CNTN5: variants seen among roughly 807,000 people sequenced by gnomAD.
CNTN5 encodes contactin-5.
CNTN5 carries 77 observed loss-of-function variants against 129.1 expected under a neutral mutation model. The ratio of observed to expected loss-of-function variants is 0.60; its 90% CI spans 0.50 to 0.72. The LOEUF is 0.72. Among genes scored for constraint, CNTN5 ranks in the 30% least tolerant of loss-of-function variants. The pLI is 0.00. For missense variants in CNTN5, 1,478 were observed against 1,328.8 expected (o/e 1.11, Z -1.75); for synonymous variants, 509 against 465.6 (o/e 1.09, Z -1.20).
chr11:100,268,159 A>G (rs1950341728), intron 17 of CNTN5, among the ~76,000 whole-genome samples: 1 of 152,208 alleles, frequency 6.6e-6, no homozygotes, highest in Admixed American at 6.5e-5. Flanking sequence ...TTGGGTAGGA[A>G]TGAGATAAAG....
chr11:100,046,607 TAATA>T (rs1164469601), intron 9 of CNTN5, among the ~76,000 whole-genome samples: 7 of 152,304 alleles, frequency 4.6e-5, no homozygotes, highest in Admixed American at 6.5e-5. Flanking sequence ...TTATTTTATC[TAATA>T]AATAATCATC....
At chr11:99,441,207 C>T (rs894275857) in intron 2 of CNTN5, among the ~76,000 whole-genome samples, 1 of 152,146 alleles carries the variant, frequency 6.6e-6, no homozygotes, top group Non-Finnish European at 1.5e-5. Flanking sequence ...TGCCTTAACT[C>T]TCTCTAAAGA....
chr11:99,400,207 A>T (rs538076812), intron 2 of CNTN5, among the ~76,000 whole-genome samples: 1 of 151,738 alleles, frequency 6.6e-6, no homozygotes, highest in African/African-American at 2.4e-5. Flanking sequence ...CCAATCTTCT[A>T]CTCTCTATCT....
intron 6 of CNTN5, among the ~76,000 whole-genome samples, chr11:99,849,868 ATGTGTAT>A (rs1175407497): frequency 6.6e-6 from 1 of 152,102 alleles, no homozygotes; most frequent in Admixed American, 6.5e-5. Context: ...TCCAGTATAA[ATGTGTAT>A]TGGATTTCTT....
chr11:99,825,984 T>A (rs1946944005), intron 4 of CNTN5, among the ~76,000 whole-genome samples: 1 of 152,176 alleles, frequency 6.6e-6, no homozygotes, highest in African/African-American at 2.4e-5. Context: ...CTGATTCGTC[T>A]GTTCTTCATT....
intron 3 of CNTN5, among the ~76,000 whole-genome samples, chr11:99,598,325 TGTCC>T (rs1289291132): frequency 1.3e-4 from 4 of 30,220 alleles, no homozygotes; most frequent in African/African-American, 5.9e-4. Flanking sequence ...TTTTCTTTTC[TGTCC>T]CTCTCTCTCT....
intron 1 of CNTN5, among the ~76,000 whole-genome samples, chr11:99,283,248 A>C (rs1428372410): frequency 6.6e-6 from 1 of 152,088 alleles, no homozygotes; most frequent in East Asian, 1.9e-4. Flanking sequence ...TTATTGTATC[A>C]ATATATTACC....
At chr11:99,665,686 A>C (rs1952765015) in intron 3 of CNTN5, among the ~76,000 whole-genome samples, 1 of 151,604 alleles carries the variant, frequency 6.6e-6, no homozygotes, top group African/African-American at 2.4e-5. Flanking sequence ...GGGGTTGCAC[A>C]ATGTTGGCCA....
At chr11:99,082,236 A>G (rs1364748968) in intron 1 of CNTN5, among the ~76,000 whole-genome samples, 1 of 146,350 alleles carries the variant, frequency 6.8e-6, no homozygotes, top group African/African-American at 2.6e-5. Flanking sequence ...GTCAGGCTGC[A>G]GTGCAGTGGC....
At chr11:99,164,285 T>A (rs1860769278) in intron 1 of CNTN5, among the ~76,000 whole-genome samples, 1 of 135,376 alleles carries the variant, frequency 7.4e-6, no homozygotes, top group Non-Finnish European at 1.5e-5. Context: ...ATCGCGCCAC[T>A]ATACTCCAGC....
intron 1 of CNTN5, among the ~76,000 whole-genome samples, chr11:99,045,275 G>A (rs1224783295): frequency 2.0e-5 from 3 of 152,110 alleles, no homozygotes; most frequent in Non-Finnish European, 4.4e-5. Flanking sequence ...TAAACATTAG[G>A]TGAAATAATT....
intron 9 of CNTN5, among the ~76,000 whole-genome samples, chr11:100,019,173 T>TG (rs1940988966): frequency 1.3e-5 from 2 of 151,980 alleles, no homozygotes; most frequent in South Asian, 2.1e-4. Context: ...TTTCAATTTT[T>TG]TGTGGGGATT....
At chr11:99,068,199 C>T (rs1371232759) in intron 1 of CNTN5, among the ~76,000 whole-genome samples, 3 of 152,170 alleles carry the variant, frequency 2.0e-5, no homozygotes, top group Non-Finnish European at 1.5e-5. Context: ...TCTAATTCAA[C>T]AGTAGATGCC....
In CNTN5 at chr11:100,299,412, C is replaced by T. The variant is rs774449862; in HGVS notation, c.2620+16C>T. The stretch of plus-strand genomic sequence containing the variant: ...GCTGAAGGAGGTCAGTTTTTTTATT[C>T]CTATTATTTTTATTTAACATTTTAC... On this transcript the variant is annotated intron_variant, in intron 20 of 24. Transcript: ENST00000524871. The T allele has an allele frequency of 4.8e-6, 7 of 1,461,138 alleles. No individual in the cohort carries two copies. The highest frequency in any genetic ancestry group is 6.6e-6 in the Non-Finnish European group (7 of 1,063,986). 90.5% of individuals were successfully genotyped at this position (1,461,138 alleles called of 1,614,324 possible).
chr11:99,362,901 C>T (rs1939209176), intron 2 of CNTN5, among the ~76,000 whole-genome samples: 1 of 142,962 alleles, frequency 7.0e-6, no homozygotes, highest in Admixed American at 7.1e-5. Context: ...GACAGTGCCA[C>T]ACTGTTTTTA....
intron 2 of CNTN5, among the ~76,000 whole-genome samples, chr11:99,360,416 C>G (rs1186656098): frequency 6.6e-6 from 1 of 152,116 alleles, no homozygotes; most frequent in Non-Finnish European, 1.5e-5. Flanking sequence ...GTTCTCTGTT[C>G]GGCTCCATGG....
intron 2 of CNTN5, among the ~76,000 whole-genome samples, chr11:99,389,426 T>G (rs1382280270): frequency 6.6e-6 from 1 of 152,186 alleles, no homozygotes; most frequent in Non-Finnish European, 1.5e-5. Flanking sequence ...GTACCTGTAT[T>G]GTGTATAATC....
intron 2 of CNTN5, among the ~76,000 whole-genome samples, chr11:99,404,898 C>T (rs7125160): frequency 0.75 from 113,375 of 152,088 alleles, 43,109 homozygotes; most frequent in African/African-American, 0.9. Context: ...TCTTATAGGA[C>T]AGGTCTGGTG....
chr11:99,706,675 C>G (rs914141749), intron 3 of CNTN5, among the ~76,000 whole-genome samples: 3 of 151,316 alleles, frequency 2.0e-5, no homozygotes, highest in South Asian at 2.1e-4. Flanking sequence ...AACAATATAC[C>G]TACTAATGAT....
Sources: allele counts gnomAD v4.1 joint callset (sites outside exome capture counted in the v4.1 genomes callset), GRCh38; gene constraint gnomAD v4.1.1; transcripts MANE v1.5; gene names NCBI Gene and HGNC (gene_info 2026-07-23, HGNC 2026-07-21).